SLC5A1: variants seen among roughly 807,000 people sequenced by gnomAD.
The protein encoded by SLC5A1 is sodium/glucose cotransporter 1.
In SLC5A1, 42 loss-of-function variants were observed where a neutral mutation model predicts 73.5. The observed-to-expected ratio is 0.57, with a 90% confidence interval of 0.45 to 0.74. The LOEUF is 0.74. Ranked by LOEUF, SLC5A1 falls within the 30% of genes least tolerant of loss-of-function variation. SLC5A1 has a pLI of 0.00. For synonymous variants in SLC5A1, 300 were observed against 317.4 expected, an observed-to-expected ratio of 0.95 and a Z score of 0.58; for missense variants, 634 against 855.4, an observed-to-expected ratio of 0.74 and a Z score of 3.23.
chr22:32,083,194 G>A (rs202060687), intron 7 of SLC5A1, 40 bp downstream of exon 7: 380 of 1,551,236 alleles, frequency 2.4e-4, no homozygotes, highest in Non-Finnish European at 3.1e-4. Flanking sequence ...TGGGAGCAGA[G>A]GTAGAGGGCC....
chr22:32,052,920 T>C (rs2149484024), intron 2 of SLC5A1, among the ~76,000 whole-genome samples: 1 of 152,256 alleles, frequency 6.6e-6, no homozygotes, highest in South Asian at 2.1e-4. Flanking sequence ...TAGACAGTGG[T>C]AAGAATTCAG....
At chr22:32,093,608 G>A (rs1465514526) in intron 11 of SLC5A1, among the ~76,000 whole-genome samples, 2 of 145,734 alleles carry the variant, frequency 1.4e-5, no homozygotes, top group Non-Finnish European at 3.0e-5. Flanking sequence ...TGCAGCTATT[G>A]TACAAGGAGT....
chr22:32,104,639 T>C, intron 13 of SLC5A1, 147 bp from the exon 14 acceptor site: 2 of 699,298 alleles, frequency 2.9e-6, no homozygotes, highest in South Asian at 1.5e-5. Context: ...GATAATGTTA[T>C]GGATGAGAAT....
intron 14 of SLC5A1, 84 bp downstream of exon 14, chr22:32,104,975 AT>A: frequency 1.0e-6 from 1 of 976,998 alleles, no homozygotes; most frequent in Non-Finnish European, 1.6e-6. Flanking sequence ...TCCCTAAATA[AT>A]TTTATCAGAG....
chr22:32,094,980 G>C (rs2094023954), intron 11 of SLC5A1, among the ~76,000 whole-genome samples: 1 of 151,940 alleles, frequency 6.6e-6, no homozygotes, highest in Admixed American at 6.6e-5. Context: ...GGCATTTAGG[G>C]CTATGAACTT....
chr22:32,072,556 G>A (rs2093984350), intron 5 of SLC5A1, among the ~76,000 whole-genome samples: 1 of 152,300 alleles, frequency 6.6e-6, no homozygotes, highest in African/African-American at 2.4e-5. Flanking sequence ...TGATTTCACT[G>A]TAAATTCTTC....
At position 32,110,305 on chromosome 22, in the gene SLC5A1, T is replaced by C; in HGVS notation, c.*92T>C. ...TGGTGTTGAAGGGAAATCAGCCAGT[T>C]GTAAATTTTGCCCAGGTGGATAAAT... On this transcript the variant is annotated 3_prime_UTR_variant, in exon 15 of 15. Coordinates refer to ENST00000266088, the MANE Select transcript of SLC5A1 (RefSeq NM_000343.4). 9.7e-7 allele frequency: 1 copy of C among 1,034,102 alleles called. No homozygotes were observed. The highest frequency in any genetic ancestry group is 1.5e-6 in the Non-Finnish European group (1 of 664,516). The allele number at this position is 1,034,102 out of a possible 1,614,324, so 64.1% of individuals were successfully genotyped here. A position where few individuals can be genotyped will look rare whatever the true frequency, so the allele number is the denominator to read the frequency against.
Position 32,110,595 on chromosome 22 carries a change from C to T in SLC5A1, c.*382C>T. ...TTTAGAAACTTTGGTCTCCCTGGTT[C>T]CTGCCACTTTTCCTGTCCGTCCTCC... is the stretch of plus-strand genomic sequence containing the variant. On this transcript the variant is annotated 3_prime_UTR_variant, in exon 15 of 15. Coordinates refer to ENST00000266088, the MANE Select transcript of SLC5A1 (RefSeq NM_000343.4). 3.3e-6 allele frequency: 1 copy of T among 302,424 alleles called. No individual in the cohort carries two copies. Among genetic ancestry groups the T allele is most frequent in the Non-Finnish European group, 6.4e-6 (1 of 157,274 alleles). 18.7% of individuals were successfully genotyped at this position (302,424 alleles called of 1,614,324 possible).
chr22:32,049,162 AATC>A (rs2093941527), intron 1 of SLC5A1, among the ~76,000 whole-genome samples: 6 of 129,034 alleles, frequency 4.6e-5, no homozygotes, highest in South Asian at 2.4e-4. Flanking sequence ...TATTATATAT[AATC>A]TATATCTATA....
At chr22:32,084,696 C>G (rs755625320) in intron 8 of SLC5A1, 37 bp downstream of exon 8, 101 of 1,578,876 alleles carry the variant, frequency 6.4e-5, no homozygotes, top group Non-Finnish European at 8.1e-5. Context: ...ACAGAGTCTT[C>G]TCCAGGGCCC....
intron 13 of SLC5A1, among the ~76,000 whole-genome samples, chr22:32,103,755 A>G (rs59386674): frequency 0.087 from 13,294 of 152,266 alleles, 1,247 homozygotes; most frequent in African/African-American, 0.24. Flanking sequence ...TCCACCAAAA[A>G]TTGACCATAG....
At chr22:32,066,343 T>C (rs1175987559) in intron 2 of SLC5A1, among the ~76,000 whole-genome samples, 1 of 152,220 alleles carries the variant, frequency 6.6e-6, no homozygotes, top group Non-Finnish European at 1.5e-5. Context: ...TCATTATTAT[T>C]ATTAATATCA....
At chr22:32,103,662 A>C (rs1249087195) in intron 13 of SLC5A1, among the ~76,000 whole-genome samples, 1 of 152,256 alleles carries the variant, frequency 6.6e-6, no homozygotes, top group Non-Finnish European at 1.5e-5. Flanking sequence ...GGTCCCAACA[A>C]AGCACATACC....
intron 14 of SLC5A1, among the ~76,000 whole-genome samples, chr22:32,105,275 C>A (rs561783611): frequency 6.6e-6 from 1 of 151,632 alleles, no homozygotes; most frequent in East Asian, 1.9e-4. Context: ...GCAAACAATC[C>A]AGTTGCACTC....
At chr22:32,078,820 T>G (rs776943871) in intron 5 of SLC5A1, among the ~76,000 whole-genome samples, 3 of 151,768 alleles carry the variant, frequency 2.0e-5, no homozygotes, top group Non-Finnish European at 4.4e-5. Context: ...CCAGGCATGG[T>G]GGCACGCAAC....
chr22:32,098,808 C>T (rs576566440), intron 11 of SLC5A1, among the ~76,000 whole-genome samples: 1 of 151,890 alleles, frequency 6.6e-6, no homozygotes, highest in East Asian at 1.9e-4. Context: ...ATGTAGAGGC[C>T]GGGTGCGGTG....
chr22:32,104,429 T>C (rs1440368297), intron 13 of SLC5A1, among the ~76,000 whole-genome samples: 1 of 152,218 alleles, frequency 6.6e-6, no homozygotes, highest in Non-Finnish European at 1.5e-5. Context: ...CTTACACTCC[T>C]AACCTGGACA....
intron 10 of SLC5A1, 107 bp downstream of exon 10, chr22:32,086,434 C>G (rs935467216): frequency 1.2e-6 from 1 of 808,086 alleles, no homozygotes; most frequent in Non-Finnish European, 2.2e-6. Context: ...ATTTCTTAGC[C>G]GGGGGGTTAG....
At chr22:32,100,962 T>G (rs980363384) in intron 12 of SLC5A1, among the ~76,000 whole-genome samples, 8 of 152,076 alleles carry the variant, frequency 5.3e-5, no homozygotes, top group African/African-American at 1.7e-4. Flanking sequence ...GTGTCCACAG[T>G]GCTGTGGCCA....
Sources: allele counts gnomAD v4.1 joint callset (sites outside exome capture counted in the v4.1 genomes callset), GRCh38; gene constraint gnomAD v4.1.1; transcripts MANE v1.5; gene names NCBI Gene and HGNC (gene_info 2026-07-23, HGNC 2026-07-21).